The following NRG1 variants were observed in gnomAD, a reference collection of about 807,000 sequenced individuals.
NRG1 encodes the protein pro-neuregulin-1, membrane-bound isoform.
A neutral mutation model predicts 63.8 loss-of-function variants in NRG1; 18 were observed. That is an observed-to-expected ratio of 0.28 (90% CI 0.19 to 0.42). The LOEUF (loss-of-function observed/expected upper bound fraction) is 0.42. NRG1 is among the 10% of genes least tolerant of loss of function. The pLI, the probability that NRG1 is intolerant of heterozygous loss-of-function variation, is 1.00. For synonymous variants in NRG1, 302 were observed against 301.3 expected (o/e 1.00, Z -0.02); for missense variants, 762 against 814.7 (o/e 0.94, Z 0.79).
At chr8:32,366,352 C>T (rs1468034761) in intron 1 of NRG1, among the ~76,000 whole-genome samples, 1 of 151,988 alleles carries the variant, frequency 6.6e-6, no homozygotes, top group African/African-American at 2.4e-5. Context: ...TGCCCCCCAC[C>T]TCCACCCATC....
intron 1 of NRG1, among the ~76,000 whole-genome samples, chr8:32,191,047 T>C (rs1324252357): frequency 6.6e-6 from 1 of 152,202 alleles, no homozygotes; most frequent in Non-Finnish European, 1.5e-5. Flanking sequence ...GTGCAAACAA[T>C]TCTTGAAACA....
intron 1 of NRG1, among the ~76,000 whole-genome samples, chr8:31,901,188 G>A (rs1460936950): frequency 6.6e-6 from 1 of 152,090 alleles, no homozygotes; most frequent in Non-Finnish European, 1.5e-5. Flanking sequence ...AACTAGGAAT[G>A]GAGAACATTT....
At chr8:32,559,261 A>AAAAAAAAAAAAAT (rs1407429105) in intron 1 of NRG1, among the ~76,000 whole-genome samples, 4 of 150,842 alleles carry the variant, frequency 2.7e-5, no homozygotes, top group African/African-American at 9.7e-5. Flanking sequence ...AAAAAAAAAA[A>AAAAAAAAAAAAAT]AATCACTACT....
intron 1 of NRG1, among the ~76,000 whole-genome samples, chr8:32,118,580 A>G (rs934485098): frequency 6.6e-6 from 1 of 152,134 alleles, no homozygotes; most frequent in Non-Finnish European, 1.5e-5. Context: ...CGAAGACAGT[A>G]CTGATTATTT....
intron 1 of NRG1, among the ~76,000 whole-genome samples, chr8:31,848,410 C>A (rs1182931003): frequency 6.6e-6 from 1 of 152,092 alleles, no homozygotes; most frequent in African/African-American, 2.4e-5. Flanking sequence ...GATAGCTTAC[C>A]CTCATCAGTC....
chr8:32,002,480 G>A (rs1214921072), intron 1 of NRG1, among the ~76,000 whole-genome samples: 1 of 151,758 alleles, frequency 6.6e-6, no homozygotes, highest in Non-Finnish European at 1.5e-5. Context: ...TCCAGCTTTG[G>A]CCACTGACTT....
chr8:32,482,485 T>G (rs569045416), intron 1 of NRG1, among the ~76,000 whole-genome samples: 1 of 152,090 alleles, frequency 6.6e-6, no homozygotes, highest in East Asian at 1.9e-4. Context: ...TGCACATCAC[T>G]GGTAATGCCT....
At chr8:31,653,490 C>T (rs1805110730) in intron 1 of NRG1, among the ~76,000 whole-genome samples, 1 of 152,194 alleles carries the variant, frequency 6.6e-6, no homozygotes, top group Non-Finnish European at 1.5e-5. Context: ...ATAGCCAAAC[C>T]TCACCTCCAG....
At position 31,781,873 on chromosome 8, in the gene NRG1, A is replaced by G. The variant is rs572220906; in HGVS notation, c.37+142442A>G. ...GTAAAGAATACTAAACTGCTTTCTG[A>G]TGGGAGTAAGTTGTATTTCAAGTGG... On this transcript the variant is annotated intron_variant, in intron 1 of 10. Transcript: ENST00000519301. 2.6e-5 allele frequency among the ~76,000 whole-genome samples: 4 copies of G among 152,028 alleles called. No individual in the cohort carries two copies. The South Asian group carries it at 6.2e-4, about 24-fold the overall frequency.
chr8:31,807,477 C>T (rs867735838), intron 1 of NRG1, among the ~76,000 whole-genome samples: 4 of 151,880 alleles, frequency 2.6e-5, no homozygotes, highest in South Asian at 2.1e-4. Context: ...AGAAAGGGCT[C>T]ACTAAATATT....
chr8:32,313,209 C>T (rs1386704811), intron 1 of NRG1, among the ~76,000 whole-genome samples: 3 of 152,140 alleles, frequency 2.0e-5, no homozygotes, highest in African/African-American at 7.2e-5. Context: ...AGTATAAAGA[C>T]TTAAGTTCTA....
intron 1 of NRG1, among the ~76,000 whole-genome samples, chr8:32,336,412 T>C (rs1803275406): frequency 6.6e-6 from 1 of 151,900 alleles, no homozygotes; most frequent in Non-Finnish European, 1.5e-5. Flanking sequence ...CCCTCATGGG[T>C]AGACCTGAGG....
At chr8:31,705,609 C>T (rs1811074476) in intron 1 of NRG1, among the ~76,000 whole-genome samples, 1 of 152,164 alleles carries the variant, frequency 6.6e-6, no homozygotes, top group Non-Finnish European at 1.5e-5. Flanking sequence ...CATTGAAAAG[C>T]TATCAAGCCC....
At chr8:31,824,825 A>G (rs1824377055) in intron 1 of NRG1, among the ~76,000 whole-genome samples, 1 of 152,228 alleles carries the variant, frequency 6.6e-6, no homozygotes, top group Non-Finnish European at 1.5e-5. Flanking sequence ...CACAACACAG[A>G]CCATATGTGA....
At chr8:32,398,708 C>T (rs992862665) in intron 1 of NRG1, among the ~76,000 whole-genome samples, 7 of 152,130 alleles carry the variant, frequency 4.6e-5, no homozygotes, top group African/African-American at 1.7e-4. Context: ...AGACACTGCA[C>T]CCAGCCTCTA....
intron 1 of NRG1, among the ~76,000 whole-genome samples, chr8:32,014,216 T>C (rs899221336): frequency 1.3e-5 from 2 of 152,176 alleles, no homozygotes; most frequent in African/African-American, 2.4e-5. Flanking sequence ...GTTTGTGTCC[T>C]CTTTTATTTC....
At chr8:32,468,622 TTTCTG>T (rs1333041450) in intron 1 of NRG1, among the ~76,000 whole-genome samples, 1 of 152,162 alleles carries the variant, frequency 6.6e-6, no homozygotes, top group Non-Finnish European at 1.5e-5. Context: ...ATTTTCAACT[TTTCTG>T]TTCTCCACTT....
chr8:32,711,010 T>G (rs1038342837), intron 5 of NRG1, among the ~76,000 whole-genome samples: 2 of 152,162 alleles, frequency 1.3e-5, no homozygotes, highest in African/African-American at 2.4e-5. Flanking sequence ...TTTGCAAACA[T>G]AGAGAAATAT....
chr8:31,916,587 C>G (rs1833410404), intron 1 of NRG1, among the ~76,000 whole-genome samples: 1 of 152,198 alleles, frequency 6.6e-6, no homozygotes, highest in Non-Finnish European at 1.5e-5. Context: ...GCCACATTTT[C>G]TTAATCCAGT....
Sources: allele counts gnomAD v4.1 joint callset (sites outside exome capture counted in the v4.1 genomes callset), GRCh38; gene constraint gnomAD v4.1.1; transcripts MANE v1.5; gene names NCBI Gene and HGNC (gene_info 2026-07-23, HGNC 2026-07-21).